Variants in WNK1 observed in about 807,000 individuals in gnomAD.
WNK1 encodes the protein WNK lysine deficient protein kinase 1.
In WNK1, 38 loss-of-function variants were observed where a neutral mutation model predicts 222.8. The ratio of observed to expected loss-of-function variants is 0.17; its 90% CI spans 0.13 to 0.22. WNK1 has a LOEUF of 0.22. Ranked by LOEUF, WNK1 falls within the 10% of genes least tolerant of loss-of-function variation. The pLI is 1.00. For synonymous variants in WNK1, 1,090 were observed against 1,092.9 expected, an observed-to-expected ratio of 1.00 and a Z score of 0.05; for missense variants, 2,348 against 2,918.4, an observed-to-expected ratio of 0.80 and a Z score of 4.50.
chr12:879,513 C>CTTTTTTTTTTTTTTTTTTTTTATTCT, intron 10 of WNK1, 60 bp from the exon 11 acceptor site: 1 of 403,028 alleles, frequency 2.5e-6, no homozygotes, highest in Non-Finnish European at 3.6e-6. Flanking sequence ...GGCAGCCTTG[C>CTTTTTTTTTTTTTTTTTTTTTATTCT]TTTTTTTTTT....
In WNK1 at chr12:880,851, C is replaced by A. The variant is rs2154081262; in HGVS notation, c.2963C>A (p.Pro988His). The A allele has an allele frequency of 6.2e-7, 1 of 1,614,104 alleles. No homozygotes were observed. The highest frequency in any genetic ancestry group is 8.5e-7 in the Non-Finnish European group (1 of 1,180,024). The change falls in exon 12 of 28, where the codon CCT becomes CAT. Residue 988 changes from proline (P) to histidine (H), a missense_variant. Pro to His is a moderately conservative substitution (Grantham distance 77). This residue lies in a region of WNK1 where 547 missense variants were observed against 558.3 expected (regional missense o/e 0.98). Transcript: ENST00000315939. ...ATGCCGACAGAAGTACTGGCTACACCTGGGTACTTTCCCACAGTGGTGCAG... is the reference window on the plus strand; with the variant it reads ...ATGCCGACAGAAGTACTGGCTACACATGGGTACTTTCCCACAGTGGTGCAG... ...PPMPTEVLAT[P>H]GYFPTVVQPY...
intron 24 of WNK1, 53 bp from the exon 25 acceptor site, chr12:897,426 T>C (rs1954849198): frequency 8.7e-7 from 1 of 1,155,594 alleles, no homozygotes. Context: ...TTAATTCTTG[T>C]CTGAATGAAG....
chr12:804,619 T>G (rs1946190372), intron 1 of WNK1, among the ~76,000 whole-genome samples: 1 of 152,100 alleles, frequency 6.6e-6, no homozygotes, highest in South Asian at 2.1e-4. Flanking sequence ...GTGATCCACC[T>G]GCCTTGGCCT....
At chr12:789,520 G>A (rs1251749701) in intron 1 of WNK1, among the ~76,000 whole-genome samples, 2 of 148,530 alleles carry the variant, frequency 1.3e-5, no homozygotes, top group African/African-American at 2.5e-5. Flanking sequence ...AGTAGAAACT[G>A]TGTGGTTATA....
chr12:791,225 C>CCA (rs141810227), intron 1 of WNK1, among the ~76,000 whole-genome samples: 7,993 of 145,188 alleles, frequency 0.055, 260 homozygotes, highest in African/African-American at 0.11. Flanking sequence ...ATTTCTCTCA[C>CCA]CACACACACA....
intron 1 of WNK1, among the ~76,000 whole-genome samples, chr12:774,632 C>G (rs888527882): frequency 6.6e-6 from 1 of 152,180 alleles, no homozygotes; most frequent in Non-Finnish European, 1.5e-5. Flanking sequence ...ATGATAAGGG[C>G]ATGAACATTT....
intron 1 of WNK1, among the ~76,000 whole-genome samples, chr12:774,762 A>G (rs1942916021): frequency 6.6e-6 from 1 of 152,122 alleles, no homozygotes; most frequent in Admixed American, 6.6e-5. Context: ...TATTTCATAA[A>G]CTATAGTTTA....
chr12:870,875 C>A (rs1161626508), intron 8 of WNK1, among the ~76,000 whole-genome samples: 6 of 152,186 alleles, frequency 3.9e-5, no homozygotes, highest in Non-Finnish European at 7.3e-5. Context: ...ATTAGCATTA[C>A]CAAATACCTT....
At chr12:767,234 G>GTTTTTTTTTTTTTTTTT (rs71051382) in intron 1 of WNK1, among the ~76,000 whole-genome samples, 1 of 70,890 alleles carries the variant, frequency 1.4e-5, no homozygotes, top group Non-Finnish European at 2.4e-5. Context: ...GGGTTGATAG[G>GTTTTTTTTTTTTTTTTT]TTTTTTTTTT....
rs150334599 is a variant in WNK1 at position 777,075 on chromosome 12, C to T, written c.759+22751C>T. Among the ~76,000 whole-genome samples, 74 of 151,492 alleles carry T rather than the reference C, an allele frequency of 4.9e-4. No individual in the cohort carries two copies. In the East Asian group the frequency reaches 7.9e-3, roughly 16 times the overall value. Reference sequence around the variant, plus strand: ...ATATTTAAACTCATTCCATGATGTGCAGTGTTAACTTTTTAGTTACTTTTC... The same window carrying T: ...ATATTTAAACTCATTCCATGATGTGTAGTGTTAACTTTTTAGTTACTTTTC... On this transcript the variant is annotated intron_variant, in intron 1 of 27. Transcript: ENST00000315939.
intron 22 of WNK1, among the ~76,000 whole-genome samples, chr12:892,883 A>G (rs1954384705): frequency 6.6e-6 from 1 of 152,240 alleles, no homozygotes. Context: ...CTACAGTCTT[A>G]AATGGAAATA....
At position 753,774 on chromosome 12, in the gene WNK1, C is replaced by G. The variant is rs368280492; in HGVS notation, c.209C>G (p.Ala70Gly). 4.4e-5 allele frequency: 71 copies of G among 1,612,298 alleles called. No homozygotes were observed. Among genetic ancestry groups the G allele is most frequent in the Middle Eastern group, 1.6e-4 (1 of 6,084 alleles). ...TMDKDSRGAA[A>G]TTTTTEHRFF... ...GACAAGGACAGCCGTGGGGCGGCCG[C>G]GACCACTACCACCACTGAGCACCGC... Residue 70 changes from alanine to glycine, a missense_variant, in exon 1 of 28, where the codon GCG (alanine) becomes GGG (glycine). By Grantham distance (60) the Ala-to-Gly change is moderately conservative. Coordinates refer to ENST00000315939, the MANE Select transcript of WNK1 (RefSeq NM_018979.4). The surrounding 1 kb of genome is among the most constrained non-coding windows in gnomAD (Gnocchi z 5.2).
chr12:880,078 G>C, intron 11 of WNK1, 47 bp downstream of exon 11: 1 of 1,560,616 alleles, frequency 6.4e-7, no homozygotes, highest in South Asian at 1.1e-5. Flanking sequence ...TTTGATCCTA[G>C]TAGATCATCA....
At position 830,136 on chromosome 12, in the gene WNK1, A is replaced by G. The variant is rs10774466; in HGVS notation, c.1287A>G (p.Ala429=). ...EYPYSECQNA[A]QIYRRVTSGV... is the part of the protein sequence containing the mutation. ...CTTACTCGGAGTGCCAAAATGCTGC[A>G]CAGATCTACCGTCGCGTGACCAGTG... The change falls in exon 4 of 28, where the codon GCA becomes GCG. Residue 429 remains alanine (A), a synonymous_variant. Transcript: ENST00000315939. The G allele has an allele frequency of 0.75, 1,206,492 of 1,613,654 alleles. 453,569 individuals carry two copies. The highest frequency in any genetic ancestry group is 0.88 in the East Asian group (39,284 of 44,882).
rs1951564694 is a variant in WNK1 at position 865,253 on chromosome 12, G to GGAAACTTTT, written c.2139+2985_2139+2993dup. ...CCTTCCCTCCTCCGGACTGCCCCGA[G>GGAAACTTTT]GAAACTTTTGCCGAAAAGCTTTCTA... On this transcript the variant is annotated intron_variant, in intron 8 of 27. Transcript: ENST00000315939. 3 of 1,535,896 alleles carry GGAAACTTTT rather than the reference G, an allele frequency of 2.0e-6. No homozygotes were observed. The highest frequency in any genetic ancestry group is 2.6e-6 in the Non-Finnish European group (3 of 1,146,888).
intron 4 of WNK1, among the ~76,000 whole-genome samples, chr12:839,970 C>T (rs1444219061): frequency 6.0e-5 from 9 of 150,842 alleles, no homozygotes; most frequent in Admixed American, 2.6e-4. Context: ...TCAAGTGATC[C>T]GCCCACCTCG....
intron 26 of WNK1, among the ~76,000 whole-genome samples, chr12:902,315 C>A (rs780397854): frequency 2.0e-5 from 3 of 151,940 alleles, no homozygotes; most frequent in Admixed American, 2.0e-4. Context: ...AAAAAAGAAA[C>A]GAAATGAAGA....
At position 798,290 on chromosome 12, in the gene WNK1, C is replaced by T. The variant is rs1228906620; in HGVS notation, c.760-15352C>T. On this transcript the variant is annotated intron_variant, in intron 1 of 27. Coordinates refer to ENST00000315939, the MANE Select transcript of WNK1 (RefSeq NM_018979.4). The stretch of plus-strand genomic sequence containing the variant: ...CACTGCAACCTCCGCCTCCCGGGTT[C>T]ACGCCATTCTCCCACCTCAGCCTCC... Among the ~76,000 whole-genome samples the T allele has an allele frequency of 2.0e-5, 3 of 151,746 alleles. No individual in the cohort carries two copies. In the East Asian group the frequency reaches 5.8e-4, roughly 30 times the overall value.
In WNK1 at chr12:848,225, G is replaced by A. The variant is rs75571918; in HGVS notation, c.1312-8936G>A. On this transcript the variant is annotated intron_variant, in intron 4 of 27. Transcript: ENST00000315939. Reference sequence around the variant, plus strand: ...CCTGTGGTCATTTAGTAGGTGTGGAGAACTATTAACCGTTTTTGAGCAGTG... The same window carrying A: ...CCTGTGGTCATTTAGTAGGTGTGGAAAACTATTAACCGTTTTTGAGCAGTG... 4.2e-3 allele frequency among the ~76,000 whole-genome samples: 635 copies of A among 152,258 alleles called. 4 individuals carry two copies. The highest frequency in any genetic ancestry group is 0.014 in the African/African-American group (598 of 41,540).
Sources: gnomAD v4.1 joint callset for allele counts (sites outside exome capture counted in the v4.1 genomes callset) on GRCh38, gnomAD v4.1.1 for gene constraint, gnomAD v4.1.1 regional missense constraint, Gnocchi (gnomAD v3.1) non-coding constraint, MANE v1.5 for transcripts, NCBI Gene and HGNC (gene_info 2026-07-23, HGNC 2026-07-21) for gene names.